The following ZBTB8A variants were observed in gnomAD, a reference collection of about 807,000 sequenced individuals.
ZBTB8A encodes zinc finger and BTB domain containing 8A.
In ZBTB8A, 19 loss-of-function variants were observed where a neutral mutation model predicts 37.8. That is an observed-to-expected ratio of 0.50 (90% CI 0.35 to 0.74). ZBTB8A has a LOEUF of 0.74. Among genes scored for constraint, ZBTB8A ranks in the 30% least tolerant of loss-of-function variants. The pLI, the probability that ZBTB8A is intolerant of heterozygous loss-of-function variation, is 0.01. For synonymous variants in ZBTB8A, 181 were observed against 185.2 expected, an observed-to-expected ratio of 0.98 and a Z score of 0.19; for missense variants, 394 against 537.8, an observed-to-expected ratio of 0.73 and a Z score of 2.65.
In ZBTB8A at chr1:32,604,926, G is replaced by A. The variant is rs1570383938; in HGVS notation, c.*4507G>A. On this transcript the variant is annotated 3_prime_UTR_variant, in exon 5 of 5. Transcript: ENST00000373510. ...AGCACTTTGGGAGGCCGAGGCGGGC[G>A]GATCACTTAAGGCCAGGTGTTCGAG... 6.6e-6 allele frequency: 1 copy of A among 151,912 alleles called. No individual in the cohort carries two copies. Among genetic ancestry groups the A allele is most frequent in the African/African-American group, 2.4e-5 (1 of 41,338 alleles). 9.4% of individuals were successfully genotyped at this position (151,912 alleles called of 1,614,324 possible).
At chr1:32,557,810 C>T (rs576047121) in intron 2 of ZBTB8A, among the ~76,000 whole-genome samples, 1 of 152,228 alleles carries the variant, frequency 6.6e-6, no homozygotes, top group South Asian at 2.1e-4. Context: ...TTTCAAATGC[C>T]ACCCTCTGTT....
Position 32,589,610 on chromosome 1 carries a change from C to T in ZBTB8A, c.-1-3321C>T, listed in dbSNP as rs568000292. ...TGTTGCCCAGGCTGGAGTGCAGTGG[C>T]GCAATCTCTGCTCACTACAGCCTCC... On this transcript the variant is annotated intron_variant, in intron 2 of 4. Coordinates refer to ENST00000373510, the MANE Select transcript of ZBTB8A (RefSeq NM_001040441.3). Among the ~76,000 whole-genome samples, 31 of 151,510 alleles carry T rather than the reference C, an allele frequency of 2.0e-4. No individual in the cohort carries two copies. In the South Asian group the frequency reaches 2.5e-3, roughly 12 times the overall value.
Position 32,595,124 on chromosome 1 carries a change from G to T in ZBTB8A, c.894G>T (p.Lys298Asn). The T allele has an allele frequency of 6.2e-7, 1 of 1,614,166 alleles. No homozygotes were observed. The highest frequency in any genetic ancestry group is 8.5e-7 in the Non-Finnish European group (1 of 1,180,022). Residue 298 changes from lysine to asparagine, a missense_variant, in exon 4 of 5, where the codon AAG (lysine) becomes AAT (asparagine). By Grantham distance (94) the Lys-to-Asn change is moderately conservative. This residue lies in a region of ZBTB8A where 42 missense variants were observed against 96.4 expected (regional missense o/e 0.44). Coordinates refer to ENST00000373510, the MANE Select transcript of ZBTB8A (RefSeq NM_001040441.3). ...TGGTGAAGCGGAAGGCAGACCTAAA[G>T]CGCCACCTTCGTTGTCATACAGGAG... is the stretch of plus-strand genomic sequence containing the variant. The part of the protein sequence containing the change: ...THVVKRKADL[K>N]RHLRCHTGER...
At chr1:32,597,472 G>GA (rs1421282234) in intron 4 of ZBTB8A, among the ~76,000 whole-genome samples, 1 of 152,090 alleles carries the variant, frequency 6.6e-6, no homozygotes, top group African/African-American at 2.4e-5. Context: ...ATTAAATTTT[G>GA]AAAGTGTCCT....
rs1557707689 is a variant in ZBTB8A, at chr1:32,567,818, A to AAAAC, written c.-2+14281_-2+14282insCAAA. On this transcript the variant is annotated intron_variant, in intron 2 of 4. Coordinates refer to ENST00000373510, the MANE Select transcript of ZBTB8A (RefSeq NM_001040441.3). The stretch of plus-strand genomic sequence containing the variant: ...AAAAAAAAAAAAAAAAAAAAAAAAA[A>AAAAC]AAAAACAAAAACAAAACAAAACAAA... 1.1e-3 allele frequency among the ~76,000 whole-genome samples: 25 copies of AAAAC among 23,066 alleles called. 1 individual carries two copies. Among genetic ancestry groups the AAAAC allele is most frequent in the African/African-American group, 2.8e-3 (15 of 5,294 alleles). The allele number at this position is 23,066 out of a possible 152,430, so 15.1% of individuals were successfully genotyped here.
intron 2 of ZBTB8A, among the ~76,000 whole-genome samples, chr1:32,558,436 T>TA (rs917979176): frequency 7.9e-6 from 1 of 126,706 alleles, no homozygotes; most frequent in East Asian, 2.0e-4. Context: ...AGCTAAGTAT[T>TA]AAACACACAC....
chr1:32,593,235 G>A lies in ZBTB8A; in HGVS notation c.304G>A (p.Ala102Thr). The change falls in exon 3 of 5, where the codon GCT (alanine) becomes ACT (threonine). Residue 102 changes from alanine to threonine, a missense_variant. Transcript: ENST00000373510. ...GQNVIEVMSA[A>T]SFLQMTDVIS... is the part of the protein sequence containing the mutation. ...GAATGTCATAGAAGTGATGTCGGCT[G>A]CTAGCTTCCTTCAGATGACTGATGT... 6.2e-7 allele frequency: 1 copy of A among 1,614,162 alleles called. No individual in the cohort carries two copies. The highest frequency in any genetic ancestry group is 8.5e-7 in the Non-Finnish European group (1 of 1,180,040).
At chr1:32,561,026 A>G (rs1432182688) in intron 2 of ZBTB8A, among the ~76,000 whole-genome samples, 5 of 152,030 alleles carry the variant, frequency 3.3e-5, no homozygotes, top group Non-Finnish European at 7.4e-5. Context: ...TGATTTGATC[A>G]AATACTAAAT....
intron 2 of ZBTB8A, among the ~76,000 whole-genome samples, chr1:32,560,347 C>T (rs1644233700): frequency 1.3e-5 from 2 of 152,164 alleles, no homozygotes; most frequent in Admixed American, 1.3e-4. Context: ...AAAGAGTCTC[C>T]ACCAGCAAGA....
At chr1:32,539,714 G>C (rs1557697339) in intron 1 of ZBTB8A, 142 bp downstream of exon 1, 21 of 836 alleles carry the variant, frequency 0.025, no homozygotes, top group African/African-American at 0.029. Context: ...TCCCCCAGAC[G>C]TCCCCGGGCC....
intron 2 of ZBTB8A, among the ~76,000 whole-genome samples, chr1:32,586,980 C>CA (rs1456788030): frequency 6.6e-6 from 1 of 152,116 alleles, no homozygotes; most frequent in Non-Finnish European, 1.5e-5. Flanking sequence ...TGCGGTGGCT[C>CA]ACGCCTGTAA....
chr1:32,549,656 G>A (rs1452159590), intron 1 of ZBTB8A, among the ~76,000 whole-genome samples: 1 of 152,188 alleles, frequency 6.6e-6, no homozygotes, highest in Non-Finnish European at 1.5e-5. Flanking sequence ...CTTGAGCCTA[G>A]GAGTTCGAGT....
At chr1:32,564,589 T>G (rs1019918615) in intron 2 of ZBTB8A, among the ~76,000 whole-genome samples, 1 of 152,154 alleles carries the variant, frequency 6.6e-6, no homozygotes, top group Non-Finnish European at 1.5e-5. Context: ...GGAAAAAGGA[T>G]TCATCTCTCT....
chr1:32,592,189 G>C (rs1259841340), intron 2 of ZBTB8A, among the ~76,000 whole-genome samples: 1 of 152,066 alleles, frequency 6.6e-6, no homozygotes, highest in African/African-American at 2.4e-5. Flanking sequence ...TATCTTCTGT[G>C]TCTTGGCGAT....
intron 2 of ZBTB8A, among the ~76,000 whole-genome samples, chr1:32,554,434 A>C (rs1024487862): frequency 1.3e-5 from 2 of 151,062 alleles, no homozygotes; most frequent in Non-Finnish European, 2.9e-5. Context: ...AACACCCAGC[A>C]TACATATTTG....
chr1:32,584,846 T>A (rs1644434657), intron 2 of ZBTB8A, among the ~76,000 whole-genome samples: 1 of 151,552 alleles, frequency 6.6e-6, no homozygotes, highest in Non-Finnish European at 1.5e-5. Context: ...TAGTTAAATT[T>A]TAGCAGTGTT....
intron 3 of ZBTB8A, among the ~76,000 whole-genome samples, chr1:32,594,784 A>G (rs938590506): frequency 6.6e-6 from 1 of 151,668 alleles, no homozygotes; most frequent in South Asian, 2.1e-4. Flanking sequence ...AAAAAAAAGC[A>G]TAGCAGTCTG....
At chr1:32,582,704 G>C (rs925721604) in intron 2 of ZBTB8A, among the ~76,000 whole-genome samples, 1 of 152,012 alleles carries the variant, frequency 6.6e-6, no homozygotes, top group African/African-American at 2.4e-5. Flanking sequence ...TGCTTCTGTA[G>C]CAATATTCCC....
At chr1:32,566,925 A>G (rs1232149673) in intron 2 of ZBTB8A, among the ~76,000 whole-genome samples, 3 of 152,200 alleles carry the variant, frequency 2.0e-5, no homozygotes, top group African/African-American at 4.8e-5. Context: ...CTTTTAGACC[A>G]GGGTAAAGAC....
Sources: gnomAD v4.1 joint callset for allele counts (sites outside exome capture counted in the v4.1 genomes callset) on GRCh38, gnomAD v4.1.1 for gene constraint, gnomAD v4.1.1 regional missense constraint, MANE v1.5 for transcripts, NCBI Gene and HGNC (gene_info 2026-07-23, HGNC 2026-07-21) for gene names.